The following SOX6 variants were observed in gnomAD, a reference collection of about 807,000 sequenced individuals.
SOX6 encodes the protein transcription factor SOX-6.
In SOX6, 11 loss-of-function variants were observed where a neutral mutation model predicts 97.8. That is an observed-to-expected ratio of 0.11 (90% confidence interval 0.07 to 0.19). SOX6 has a LOEUF of 0.19. Among genes scored for constraint, SOX6 ranks in the 10% least tolerant of loss-of-function variants. The probability of loss-of-function intolerance (pLI) is 1.00; values close to 1 mark genes in which losing one functional copy is unlikely to be tolerated. For missense variants in SOX6, 810 were observed against 1,039.5 expected, an observed-to-expected ratio of 0.78 and a Z score of 3.04; for synonymous variants, 360 against 371.4, an observed-to-expected ratio of 0.97 and a Z score of 0.35.
rs1847800825 is a variant in SOX6 at position 16,055,822 on chromosome 11, GTGTTT to G, written c.1176_1180del (p.Asn393SerfsTer12). ...CCCAGTAGGTGAGACCGTCCCTGCT[GTGTTT>G]GGTGGCTGTGGAGTTGATGGCATCT... On this transcript the variant is annotated frameshift_variant, in exon 10 of 16. Transcript: ENST00000683767. LOFTEE classifies it high-confidence loss of function. 1 of 1,613,708 alleles carries G rather than the reference GTGTTT, an allele frequency of 6.2e-7. No homozygotes were observed. The highest frequency in any genetic ancestry group is 1.3e-5 in the African/African-American group (1 of 74,886).
chr11:16,292,357 G>A lies in SOX6; in HGVS notation c.445+26089C>T, dbSNP rs557236098. On this transcript the variant is annotated intron_variant, in intron 3 of 15. Coordinates refer to ENST00000683767, the MANE Select transcript of SOX6 (RefSeq NM_001367873.1). ...GGAAAGGGGATTTATAAGTAAGGTG[G>A]TAATCTGGCGCTTTGGAAGGCTTAT... is the stretch of plus-strand genomic sequence containing the variant. Among the ~76,000 whole-genome samples the A allele has an allele frequency of 1.3e-3, 201 of 152,140 alleles. 1 individual carries two copies. Among genetic ancestry groups the A allele is most frequent in the Middle Eastern group, 0.01 (3 of 294 alleles).
chr11:16,378,317 AG>A (rs1857699352), intron 1 of SOX6, among the ~76,000 whole-genome samples: 1 of 152,164 alleles, frequency 6.6e-6, no homozygotes, highest in African/African-American at 2.4e-5. Context: ...AAAATCACAG[AG>A]ATTTGGAAGT....
chr11:16,113,184 G>A (rs1026554650), intron 6 of SOX6, among the ~76,000 whole-genome samples: 3 of 152,044 alleles, frequency 2.0e-5, no homozygotes, highest in Admixed American at 1.3e-4. Flanking sequence ...AGGTCTAAGA[G>A]GTTTCGTTTA....
chr11:16,436,265 T>C (rs1463347131), intron 1 of SOX6, among the ~76,000 whole-genome samples: 1 of 152,174 alleles, frequency 6.6e-6, no homozygotes, highest in Non-Finnish European at 1.5e-5. Flanking sequence ...AATTCTCTCC[T>C]CTTTTGACTT....
intron 4 of SOX6, among the ~76,000 whole-genome samples, chr11:16,580,749 T>G (rs1589993762): frequency 6.6e-6 from 1 of 152,100 alleles, no homozygotes; most frequent in East Asian, 1.9e-4. Flanking sequence ...TAAACAAATT[T>G]ACAAGAATAA....
chr11:16,083,129 G>C (rs1365089719), intron 9 of SOX6, among the ~76,000 whole-genome samples: 1 of 152,092 alleles, frequency 6.6e-6, no homozygotes, highest in Non-Finnish European at 1.5e-5. Flanking sequence ...ACTTCCCCAG[G>C]GGGAGCTAAG....
At chr11:16,459,068 G>A (rs1859868610) in intron 1 of SOX6, among the ~76,000 whole-genome samples, 2 of 151,982 alleles carry the variant, frequency 1.3e-5, no homozygotes, top group South Asian at 4.1e-4. Context: ...ACCAAGGTTA[G>A]GGAAAGATAC....
chr11:16,491,205 A>G (rs541544508), intron 4 of SOX6, among the ~76,000 whole-genome samples: 174 of 152,342 alleles, frequency 1.1e-3, no homozygotes, highest in African/African-American at 4.1e-3. Flanking sequence ...ATGCAAGAGC[A>G]TTGTACAAAA....
At chr11:16,508,648 GGA>G (rs1395343096) in intron 4 of SOX6, among the ~76,000 whole-genome samples, 3 of 152,016 alleles carry the variant, frequency 2.0e-5, no homozygotes, top group African/African-American at 7.2e-5. Flanking sequence ...TCATGATCAT[GGA>G]GAGAGAGTAT....
chr11:16,309,209 C>T (rs750069443), intron 3 of SOX6, among the ~76,000 whole-genome samples: 8 of 152,130 alleles, frequency 5.3e-5, no homozygotes, highest in Non-Finnish European at 1.0e-4. Flanking sequence ...CATCAGAAGA[C>T]AGGTGCAAGA....
intron 1 of SOX6, among the ~76,000 whole-genome samples, chr11:16,347,401 A>C (rs2134351206): frequency 6.6e-6 from 1 of 152,282 alleles, no homozygotes; most frequent in South Asian, 2.1e-4. Flanking sequence ...GTGACTTAAC[A>C]ATAAGAGTAA....
At chr11:16,523,340 G>A (rs4333989) in intron 4 of SOX6, among the ~76,000 whole-genome samples, 149,594 of 152,100 alleles carry the variant, frequency 0.98, 73,619 homozygotes, top group East Asian at 1. Flanking sequence ...ACTCAAAACC[G>A]CTCAACTACA....
In SOX6 at chr11:16,457,222, T is replaced by C. The variant is rs1171052266; in HGVS notation, c.-5+19093A>G. On this transcript the variant is annotated intron_variant, in intron 1 of 15. Coordinates refer to the SOX6 transcript ENST00000396356. ...TAATCCTAATATGTTTAAACACAAG[T>C]TAAACCTAGAACATGTGAAAAACTT... is the stretch of plus-strand genomic sequence containing the variant. Among the ~76,000 whole-genome samples, 5 of 152,096 alleles carry C rather than the reference T, an allele frequency of 3.3e-5. No homozygotes were observed. The South Asian group carries it at 1.0e-3, about 31-fold the overall frequency.
chr11:16,374,987 G>A (rs1026260410), intron 1 of SOX6, among the ~76,000 whole-genome samples: 1 of 151,920 alleles, frequency 6.6e-6, no homozygotes, highest in Non-Finnish European at 1.5e-5. Context: ...TTCATAAAAT[G>A]AAAGTCAAAC....
chr11:16,374,440 G>A (rs1245695131), intron 1 of SOX6, among the ~76,000 whole-genome samples: 1 of 151,836 alleles, frequency 6.6e-6, no homozygotes, highest in Non-Finnish European at 1.5e-5. Flanking sequence ...TAAAATGATG[G>A]CAATGTATTT....
At chr11:16,143,434 C>T (rs1183903492) in intron 6 of SOX6, among the ~76,000 whole-genome samples, 1 of 152,210 alleles carries the variant, frequency 6.6e-6, no homozygotes, top group South Asian at 2.1e-4. Context: ...TAGGAAGAAA[C>T]TGCATCAACT....
chr11:16,359,633 C>T (rs1857158144), upstream of SOX6, among the ~76,000 whole-genome samples: 1 of 152,100 alleles, frequency 6.6e-6, no homozygotes, highest in Non-Finnish European at 1.5e-5. Flanking sequence ...TCTACCTCTA[C>T]GTTCTTTCAA....
intron 12 of SOX6, among the ~76,000 whole-genome samples, chr11:16,028,752 G>T (rs535615997): frequency 1.3e-5 from 2 of 152,306 alleles, no homozygotes; most frequent in South Asian, 4.1e-4. Flanking sequence ...TCATCAGAGA[G>T]CCAGCAAACA....
At chr11:16,627,232 A>T (rs1249211329) in intron 3 of SOX6, among the ~76,000 whole-genome samples, 1 of 152,194 alleles carries the variant, frequency 6.6e-6, no homozygotes, top group Non-Finnish European at 1.5e-5. Context: ...GTTGATGGGC[A>T]CCTAGATTGG....
Sources: gnomAD v4.1 joint callset for allele counts (sites outside exome capture counted in the v4.1 genomes callset) on GRCh38, gnomAD v4.1.1 for gene constraint, MANE v1.5 for transcripts, NCBI Gene and HGNC (gene_info 2026-07-23, HGNC 2026-07-21) for gene names.